The following CDH18 variants were observed in gnomAD, a reference collection of about 807,000 sequenced individuals.
The protein encoded by CDH18 is cadherin 18.
A neutral mutation model predicts 67.9 loss-of-function variants in CDH18; 31 were observed. The observed-to-expected ratio is 0.46, with a 90% CI of 0.34 to 0.62. CDH18 has a LOEUF of 0.62. CDH18 is among the 20% of genes least tolerant of loss of function. CDH18 has a pLI of 0.01. For synonymous variants in CDH18, 362 were observed against 347.2 expected (o/e 1.04, Z -0.48); for missense variants, 890 against 975.5 (o/e 0.91, Z 1.17).
chr5:20,408,496 A>G (rs1746493711), intron 1 of CDH18, among the ~76,000 whole-genome samples: 1 of 152,028 alleles, frequency 6.6e-6, no homozygotes, highest in African/African-American at 2.4e-5. Flanking sequence ...TATGCCATTG[A>G]AGTTAAGTTC....
At chr5:20,079,302 G>A (rs1395863588) in intron 2 of CDH18, among the ~76,000 whole-genome samples, 2 of 152,058 alleles carry the variant, frequency 1.3e-5, no homozygotes, top group Non-Finnish European at 2.9e-5. Flanking sequence ...AGATATAAAT[G>A]AGACCATATG....
At chr5:20,048,108 T>C (rs1408557427) in intron 2 of CDH18, among the ~76,000 whole-genome samples, 1 of 151,742 alleles carries the variant, frequency 6.6e-6, no homozygotes, top group African/African-American at 2.4e-5. Flanking sequence ...TTTGAAGTTT[T>C]TAGTAAATTG....
At chr5:20,517,861 T>C (rs1755474391) in intron 1 of CDH18, among the ~76,000 whole-genome samples, 1 of 152,072 alleles carries the variant, frequency 6.6e-6, no homozygotes, top group African/African-American at 2.4e-5. Flanking sequence ...GGAAAAGTAT[T>C]GGAAGAAAAT....
intron 1 of CDH18, among the ~76,000 whole-genome samples, chr5:19,981,905 A>G (rs1240681748): frequency 6.6e-6 from 1 of 152,134 alleles, no homozygotes; most frequent in African/African-American, 2.4e-5. Flanking sequence ...TTTTTTCTGC[A>G]TCCCTTTTTC....
intron 1 of CDH18, among the ~76,000 whole-genome samples, chr5:20,465,577 TTA>T (rs1229055095): frequency 1.3e-5 from 2 of 152,004 alleles, no homozygotes; most frequent in Admixed American, 6.6e-5. Flanking sequence ...GAGTAATAAA[TTA>T]TGTTACTAAT....
At chr5:20,166,078 T>C (rs1310246822) in intron 2 of CDH18, among the ~76,000 whole-genome samples, 1 of 152,118 alleles carries the variant, frequency 6.6e-6, no homozygotes, top group Non-Finnish European at 1.5e-5. Context: ...GGAATCCTTG[T>C]CCCAACACTA....
intron 5 of CDH18, among the ~76,000 whole-genome samples, chr5:19,635,826 G>C (rs1340551128): frequency 6.6e-6 from 1 of 152,058 alleles, no homozygotes; most frequent in African/African-American, 2.4e-5. Context: ...TGGTTGTTCA[G>C]GATCATATTA....
chr5:20,343,744 T>C (rs187149719), intron 1 of CDH18, among the ~76,000 whole-genome samples: 2 of 152,270 alleles, frequency 1.3e-5, no homozygotes, highest in Admixed American at 1.3e-4. Flanking sequence ...TGATTCCAAG[T>C]ATGCTTTCCT....
chr5:19,602,977 T>A (rs922006059), intron 6 of CDH18, among the ~76,000 whole-genome samples: 9 of 128,304 alleles, frequency 7.0e-5, no homozygotes, highest in Admixed American at 1.6e-4. Flanking sequence ...AAAAAAAAAA[T>A]AAATAAATAA....
intron 2 of CDH18, among the ~76,000 whole-genome samples, chr5:19,943,208 A>G (rs1031680259): frequency 2.0e-5 from 3 of 152,094 alleles, no homozygotes; most frequent in African/African-American, 7.2e-5. Flanking sequence ...TTGGGGGGGT[A>G]AGAAAAGTAA....
At chr5:19,642,833 T>A (rs1165181330) in intron 5 of CDH18, among the ~76,000 whole-genome samples, 1 of 152,010 alleles carries the variant, frequency 6.6e-6, no homozygotes, top group East Asian at 1.9e-4. Flanking sequence ...TATAGTTCCA[T>A]CAAATTAACA....
At chr5:19,854,346 C>A (rs1284233171) in intron 2 of CDH18, among the ~76,000 whole-genome samples, 1 of 152,088 alleles carries the variant, frequency 6.6e-6, no homozygotes, top group Non-Finnish European at 1.5e-5. Flanking sequence ...TGAGGGAAAT[C>A]TGTCTATTTC....
At chr5:20,138,088 C>G (rs900095120) in intron 2 of CDH18, among the ~76,000 whole-genome samples, 1 of 151,840 alleles carries the variant, frequency 6.6e-6, no homozygotes. Flanking sequence ...AAACCGAATC[C>G]GGCAGCACAT....
intron 10 of CDH18, among the ~76,000 whole-genome samples, chr5:19,519,976 G>C (rs1447092191): frequency 1.3e-5 from 2 of 152,156 alleles, no homozygotes; most frequent in African/African-American, 4.8e-5. Context: ...CTGACCTATA[G>C]AAACTGTGAG....
chr5:20,559,586 G>C (rs1358535295), intron 1 of CDH18, among the ~76,000 whole-genome samples: 6 of 151,962 alleles, frequency 3.9e-5, no homozygotes. Flanking sequence ...AAGAACAGCT[G>C]TTATGATTTT....
chr5:20,417,939 C>T (rs1747460049), intron 1 of CDH18, among the ~76,000 whole-genome samples: 1 of 152,060 alleles, frequency 6.6e-6, no homozygotes, highest in Non-Finnish European at 1.5e-5. Context: ...GCACTTTTCA[C>T]GTATGAAAAT....
chr5:19,920,632 T>C (rs1439426540), intron 2 of CDH18, among the ~76,000 whole-genome samples: 1 of 148,972 alleles, frequency 6.7e-6, no homozygotes, highest in Non-Finnish European at 1.5e-5. Flanking sequence ...TCCTGCCTCA[T>C]CCTCCTGAGT....
chr5:20,231,354 A>G lies in CDH18; in HGVS notation c.-518+24090T>C, dbSNP rs183166114. 4.7e-3 allele frequency among the ~76,000 whole-genome samples: 713 copies of G among 152,222 alleles called. 7 individuals are homozygous for G. The highest frequency in any genetic ancestry group is 0.031 in the Middle Eastern group (9 of 294). ...GCCGGGCACATTGGCTCGTGCCTGT[A>G]ATCCCAGCGCTTTGGGAGGCTGAGG... is the stretch of plus-strand genomic sequence containing the variant. On this transcript the variant is annotated intron_variant, in intron 2 of 14. Transcript: ENST00000507958.
At chr5:19,705,297 T>C (rs1445781926) in intron 5 of CDH18, among the ~76,000 whole-genome samples, 1 of 152,172 alleles carries the variant, frequency 6.6e-6, no homozygotes, top group African/African-American at 2.4e-5. Context: ...TTGGGGACCT[T>C]AGCAAATAAC....
Sources: gnomAD v4.1 joint callset for allele counts (sites outside exome capture counted in the v4.1 genomes callset) on GRCh38, gnomAD v4.1.1 for gene constraint, MANE v1.5 for transcripts, NCBI Gene and HGNC (gene_info 2026-07-23, HGNC 2026-07-21) for gene names.